EDIL3: variants seen among roughly 807,000 people sequenced by gnomAD.
EDIL3 encodes EGF-like repeat and discoidin I-like domain-containing protein 3.
EDIL3 carries 37 observed loss-of-function variants against 67.4 expected under a neutral mutation model. That is an observed-to-expected ratio of 0.55 (90% CI 0.42 to 0.72). The LOEUF (loss-of-function observed/expected upper bound fraction) is 0.72. Ranked by LOEUF, EDIL3 falls within the 30% of genes least tolerant of loss-of-function variation. The probability of loss-of-function intolerance (pLI) is 0.00; values close to 1 mark genes in which losing one functional copy is unlikely to be tolerated. For synonymous variants in EDIL3, 195 were observed against 196.3 expected, an observed-to-expected ratio of 0.99 and a Z score of 0.05; for missense variants, 527 against 586.3, an observed-to-expected ratio of 0.90 and a Z score of 1.04.
At chr5:84,052,243 A>G (rs919435750) in intron 9 of EDIL3, among the ~76,000 whole-genome samples, 1 of 152,244 alleles carries the variant, frequency 6.6e-6, no homozygotes, top group Non-Finnish European at 1.5e-5. Context: ...AAAATCCTTT[A>G]CAGACAAGCA....
intron 1 of EDIL3, among the ~76,000 whole-genome samples, chr5:84,378,932 G>A (rs1185896914): frequency 6.6e-6 from 1 of 152,088 alleles, no homozygotes; most frequent in Non-Finnish European, 1.5e-5. Flanking sequence ...ACGTTTCAAA[G>A]GTTTGCAATC....
intron 9 of EDIL3, among the ~76,000 whole-genome samples, chr5:83,996,824 C>T (rs1745246124): frequency 6.6e-6 from 1 of 152,166 alleles, no homozygotes. Context: ...AAAGCATTAG[C>T]ATTGTCTAGG....
At chr5:84,347,131 C>T (rs1747254413) in intron 1 of EDIL3, among the ~76,000 whole-genome samples, 1 of 152,092 alleles carries the variant, frequency 6.6e-6, no homozygotes, top group Non-Finnish European at 1.5e-5. Context: ...ATTTAGGAGG[C>T]CAGAGATAGT....
rs1203158685 is a variant in EDIL3, at chr5:84,343,401, T to A, written c.67+40907A>T. 2.6e-5 allele frequency among the ~76,000 whole-genome samples: 4 copies of A among 152,152 alleles called. No homozygotes were observed. The South Asian group carries it at 8.3e-4, about 31-fold the overall frequency. ...CAATGGATCAGGTCTTTAAGTCCTT[T>A]TAAACTGAAGTAAAAATAGTTTCTT... On this transcript the variant is annotated intron_variant, in intron 1 of 10. Coordinates refer to ENST00000296591, the MANE Select transcript of EDIL3 (RefSeq NM_005711.5).
rs1480684474 is a variant in EDIL3, at chr5:84,234,455, G to A, written c.197-4571C>T. On this transcript the variant is annotated intron_variant, in intron 2 of 10. Transcript: ENST00000296591. The stretch of plus-strand genomic sequence containing the variant: ...TACAACTACCCAGGCCCAGTGGGCC[G>A]TATATTACCCTGATACAACACGATA... 3.9e-5 allele frequency among the ~76,000 whole-genome samples: 6 copies of A among 152,066 alleles called. No individual in the cohort carries two copies. In the South Asian group the frequency reaches 6.2e-4, roughly 16 times the overall value.
At chr5:84,347,193 T>C (rs1018396308) in intron 1 of EDIL3, among the ~76,000 whole-genome samples, 3 of 152,184 alleles carry the variant, frequency 2.0e-5, no homozygotes, top group African/African-American at 7.2e-5. Context: ...GTTAATTATA[T>C]GAATAAAAGG....
intron 5 of EDIL3, among the ~76,000 whole-genome samples, chr5:84,121,518 C>T (rs185748401): frequency 1.2e-4 from 18 of 149,024 alleles, no homozygotes; most frequent in Non-Finnish European, 2.1e-4. Context: ...CATTATCTGA[C>T]CAGTTCACTA....
intron 9 of EDIL3, among the ~76,000 whole-genome samples, chr5:84,021,774 T>C (rs1284954869): frequency 6.6e-6 from 1 of 151,952 alleles, no homozygotes; most frequent in Non-Finnish European, 1.5e-5. Context: ...TAGTAACAAC[T>C]ACATGCTAAC....
chr5:84,341,209 A>G (rs886280511), intron 1 of EDIL3, among the ~76,000 whole-genome samples: 2 of 151,992 alleles, frequency 1.3e-5, no homozygotes, highest in East Asian at 3.9e-4. Flanking sequence ...AGTGATATAC[A>G]CTGACCTTTT....
At chr5:84,254,332 A>G in intron 1 of EDIL3, 120 bp from the exon 2 acceptor site, 1 of 1,143,944 alleles carries the variant, frequency 8.7e-7, no homozygotes, top group Non-Finnish European at 1.2e-6. Flanking sequence ...TAATATTAAG[A>G]TTCACACATA....
chr5:84,382,797 C>G (rs764472840), intron 1 of EDIL3, among the ~76,000 whole-genome samples: 9 of 152,092 alleles, frequency 5.9e-5, no homozygotes, highest in Non-Finnish European at 1.2e-4. Flanking sequence ...TGCCTATTAA[C>G]TGGAAGGGCA....
chr5:84,045,996 T>A (rs1580297230), intron 9 of EDIL3, among the ~76,000 whole-genome samples: 1 of 152,350 alleles, frequency 6.6e-6, no homozygotes, highest in East Asian at 1.9e-4. Context: ...TGAGCTTAAC[T>A]ATGAGCAAGC....
Position 84,384,356 on chromosome 5 carries a change from C to G in EDIL3, c.19G>C (p.Val7Leu), listed in dbSNP as rs745421613. 9.3e-6 allele frequency: 15 copies of G among 1,612,414 alleles called. No individual in the cohort carries two copies. In the Admixed American group the frequency reaches 1.0e-4, roughly 11 times the overall value. The change falls in exon 1 of 11, where the codon GTC becomes CTC. Residue 7 changes from valine to leucine, a missense_variant. Transcript: ENST00000296591. MKRSVA[V>L]WLLVGLSLGV... is the part of the protein sequence containing the mutation. ...AGGCTGAGCCCGACCAAGAGCCAGA[C>G]GGCTACCGAGCGCTTCATGATCCCG...
chr5:84,181,364 GC>G (rs1346734281), intron 3 of EDIL3: 2 of 152,146 alleles, frequency 1.3e-5, no homozygotes, highest in Admixed American at 6.6e-5. Flanking sequence ...AGGCTCCCCA[GC>G]CAAAAACTAA....
intron 9 of EDIL3, among the ~76,000 whole-genome samples, chr5:84,008,106 T>C (rs1162260491): frequency 6.6e-6 from 1 of 151,974 alleles, no homozygotes; most frequent in Admixed American, 6.6e-5. Context: ...AGACAGAGAA[T>C]AGAATGAGGG....
chr5:84,132,253 A>T (rs1379077966), intron 5 of EDIL3, among the ~76,000 whole-genome samples: 1 of 125,246 alleles, frequency 8.0e-6, no homozygotes, highest in East Asian at 2.2e-4. Flanking sequence ...AAAAAGAAAA[A>T]ATATATATAT....
At chr5:84,033,302 G>C in intron 9 of EDIL3, among the ~76,000 whole-genome samples, 1 of 152,094 alleles carries the variant, frequency 6.6e-6, no homozygotes, top group South Asian at 2.1e-4. Context: ...CAAATCACTT[G>C]ACCACTGAGG....
chr5:84,072,613 T>C (rs1236425997), intron 6 of EDIL3, among the ~76,000 whole-genome samples: 1 of 152,190 alleles, frequency 6.6e-6, no homozygotes, highest in Non-Finnish European at 1.5e-5. Context: ...AGCAATTCTA[T>C]TTAAAAAATG....
At chr5:84,078,654 T>G (rs1157301832) in intron 6 of EDIL3, 2 of 152,110 alleles carry the variant, frequency 1.3e-5, no homozygotes, top group Non-Finnish European at 2.9e-5. Context: ...TAATGTGCCT[T>G]GAAATAGGGA....
Sources: allele counts gnomAD v4.1 joint callset (sites outside exome capture counted in the v4.1 genomes callset), GRCh38; gene constraint gnomAD v4.1.1; transcripts MANE v1.5; gene names NCBI Gene and HGNC (gene_info 2026-07-23, HGNC 2026-07-21).